The following ATP5PB variants were observed in gnomAD, a reference collection of about 807,000 sequenced individuals.
ATP5PB encodes the protein ATP synthase peripheral stalk-membrane subunit b.
Under a neutral mutation model 34.5 loss-of-function variants are expected in ATP5PB, and 21 were observed. The ratio of observed to expected loss-of-function variants is 0.61; its 90% CI spans 0.43 to 0.88. The LOEUF is 0.88. Ranked by LOEUF, ATP5PB falls within the 40% of genes least tolerant of loss-of-function variation. The probability of loss-of-function intolerance (pLI) is 0.00; values close to 1 mark genes in which losing one functional copy is unlikely to be tolerated. For missense variants in ATP5PB, 293 were observed against 317.4 expected, an observed-to-expected ratio of 0.92 and a Z score of 0.58; for synonymous variants, 108 against 114.1, an observed-to-expected ratio of 0.95 and a Z score of 0.34.
intron 2 of ATP5PB, among the ~76,000 whole-genome samples, chr1:111,451,436 C>T (rs1362475775): frequency 2.0e-5 from 3 of 152,220 alleles, no homozygotes; most frequent in Non-Finnish European, 4.4e-5. Context: ...CTCCATAGCA[C>T]TTAGAGCTGC....
At chr1:111,454,468 G>GT (rs145698455) in intron 3 of ATP5PB, 112 bp downstream of exon 3, 2 of 1,287,862 alleles carry the variant, frequency 1.6e-6, no homozygotes, top group East Asian at 2.4e-5. Flanking sequence ...TGTTGTTGTT[G>GT]TTTTTTGAGA....
intron 4 of ATP5PB, 123 bp downstream of exon 4, chr1:111,456,372 G>A: frequency 3.4e-6 from 4 of 1,171,748 alleles, no homozygotes; most frequent in Non-Finnish European, 4.6e-6. Context: ...CTTCAAATAA[G>A]TGTTAACGTT....
rs561660899 is a variant in ATP5PB at position 111,462,185 on chromosome 1, T to C, written c.*1191T>C. ...GCCATTGTTCACAATAGCTAAAACA[T>C]AGAAGCAGCCCAATCGGCCATCAGT... is the stretch of plus-strand genomic sequence containing the variant. On this transcript the variant is annotated 3_prime_UTR_variant, in exon 7 of 7. Coordinates refer to ENST00000369722, the MANE Select transcript of ATP5PB (RefSeq NM_001688.5). The C allele has an allele frequency of 3.9e-5, 6 of 152,278 alleles. No individual in the cohort carries two copies. The East Asian group carries it at 1.2e-3, about 29-fold the overall frequency. The allele number at this position is 152,278 out of a possible 1,614,324, so 9.4% of individuals were successfully genotyped here. A position where few individuals can be genotyped will look rare whatever the true frequency, so the allele number is the denominator to read the frequency against.
At chr1:111,459,662 A>G (rs1195840791) in intron 6 of ATP5PB, 26 bp downstream of exon 6, 2 of 1,608,172 alleles carry the variant, frequency 1.2e-6, no homozygotes, top group East Asian at 2.2e-5. Context: ...GTAGGTTCTG[A>G]TGTTGTACTG....
Position 111,454,192 on chromosome 1 carries a change from G to A in ATP5PB, c.78-19G>A. The A allele has an allele frequency of 6.5e-7, 1 of 1,546,834 alleles. No homozygotes were observed. Among genetic ancestry groups the A allele is most frequent in the Non-Finnish European group, 8.7e-7 (1 of 1,152,836 alleles). The stretch of plus-strand genomic sequence containing the variant: ...CCTTAAAGAAACAGGCTTTACATTT[G>A]TACAATTACTACCTGTAGGGTATTG... On this transcript the variant is annotated intron_variant, in intron 2 of 6. Coordinates refer to ENST00000369722, the MANE Select transcript of ATP5PB (RefSeq NM_001688.5).
intron 2 of ATP5PB, 80 bp from the exon 3 acceptor site, chr1:111,454,127 CTATT>C: frequency 7.4e-7 from 1 of 1,357,904 alleles, no homozygotes; most frequent in South Asian, 1.9e-5. Context: ...ATTATCAACC[CTATT>C]TATTGTTTCT....
chr1:111,454,876 T>C (rs1281627828), intron 3 of ATP5PB, among the ~76,000 whole-genome samples: 2 of 152,266 alleles, frequency 1.3e-5, no homozygotes, highest in Non-Finnish European at 2.9e-5. Context: ...ATCAAATTTT[T>C]TGATGCCTGC....
chr1:111,454,448 T>C, intron 3 of ATP5PB, 92 bp downstream of exon 3: 1 of 1,406,942 alleles, frequency 7.1e-7, no homozygotes, highest in Non-Finnish European at 9.5e-7. Context: ...TTTGTTGTTG[T>C]TGTTGTTGTT....
At chr1:111,453,302 A>G (rs769255082) in intron 2 of ATP5PB, among the ~76,000 whole-genome samples, 41 of 152,306 alleles carry the variant, frequency 2.7e-4, no homozygotes, top group African/African-American at 8.4e-4. Flanking sequence ...CAATTGTTCA[A>G]GCTCAGTACT....
intron 5 of ATP5PB, among the ~76,000 whole-genome samples, chr1:111,459,254 A>G (rs143371818): frequency 6.6e-6 from 1 of 152,200 alleles, no homozygotes; most frequent in Non-Finnish European, 1.5e-5. Context: ...GGGAGGCTGA[A>G]GGAGACTTAT....
chr1:111,450,935 C>G (rs1020746081), intron 2 of ATP5PB, among the ~76,000 whole-genome samples: 2 of 152,216 alleles, frequency 1.3e-5, no homozygotes, highest in Non-Finnish European at 2.9e-5. Context: ...CACTCCATGT[C>G]CAGTACCTCA....
Position 111,459,571 on chromosome 1 carries a change from A to C in ATP5PB, c.628A>C (p.Lys210Gln), listed in dbSNP as rs1260187512. 38 of 1,613,992 alleles carry C rather than the reference A, an allele frequency of 2.4e-5. No homozygotes were observed. Among genetic ancestry groups the C allele is most frequent in the Non-Finnish European group, 3.1e-5 (37 of 1,179,860 alleles). ...ATCTGTGCAGAACATGATGCGTCGAAAGGAACAAGAACACATGATAAATTG... is the reference window on the plus strand; with the variant it reads ...ATCTGTGCAGAACATGATGCGTCGACAGGAACAAGAACACATGATAAATTG... ...HISVQNMMRR[K>Q]EQEHMINWVE... The change falls in exon 6 of 7, where the codon AAG becomes CAG. Residue 210 changes from lysine (K) to glutamine (Q), a missense_variant. Physicochemically the swap from Lys to Gln is moderately conservative, Grantham distance 53 (BLOSUM62 1). Transcript: ENST00000369722.
chr1:111,455,965 G>T, intron 3 of ATP5PB, 121 bp from the exon 4 acceptor site: 1 of 850,826 alleles, frequency 1.2e-6, no homozygotes, highest in Non-Finnish European at 1.7e-6. Context: ...CCAGTGTTTT[G>T]TCTTTGAATC....
At chr1:111,459,738 C>T (rs1653566630) in intron 6 of ATP5PB, 102 bp downstream of exon 6, 2 of 1,288,074 alleles carry the variant, frequency 1.6e-6, no homozygotes, top group South Asian at 1.5e-5. Flanking sequence ...GAGTCTTTAG[C>T]CTAGAAGTAG....
chr1:111,454,504 T>C, intron 3 of ATP5PB, 148 bp downstream of exon 3: 1 of 1,038,830 alleles, frequency 9.6e-7, no homozygotes, highest in Non-Finnish European at 1.4e-6. Flanking sequence ...TCACCCAGGA[T>C]GGAGTGATAG....
At position 111,461,116 on chromosome 1, in the gene ATP5PB, G is replaced by C. The variant is rs1053062982; in HGVS notation, c.*122G>C. The C allele has an allele frequency of 4.4e-6, 4 of 908,160 alleles. No individual in the cohort carries two copies. The highest frequency in any genetic ancestry group is 6.7e-6 in the Non-Finnish European group (4 of 594,594). 56.3% of individuals were successfully genotyped at this position (908,160 alleles called of 1,614,324 possible). A position where few individuals can be genotyped will look rare whatever the true frequency, so the allele number is the denominator to read the frequency against. ...GTTATAGTTTACCCTTCCTAAAAAT[G>C]AAAAGTTTGTTTCATATAGTGAGAG... On this transcript the variant is annotated 3_prime_UTR_variant, in exon 7 of 7. Transcript: ENST00000369722.
chr1:111,451,482 C>T (rs759756807), intron 2 of ATP5PB, among the ~76,000 whole-genome samples: 1 of 152,036 alleles, frequency 6.6e-6, no homozygotes, highest in Non-Finnish European at 1.5e-5. Flanking sequence ...CTCACCCTTC[C>T]CATACCCCCA....
rs768108339 is a variant in ATP5PB at position 111,454,262 on chromosome 1, T to G, written c.129T>G (p.Pro43=). 3.1e-6 allele frequency: 5 copies of G among 1,612,976 alleles called. No homozygotes were observed. The highest frequency in any genetic ancestry group is 1.7e-5 in the Admixed American group (1 of 59,708). Residue 43 remains proline (P), a synonymous_variant, in exon 3 of 7, where the codon CCT becomes CCG. Transcript: ENST00000369722. ...ATACAGGGCAGCCACACCTTGTCCC[T>G]GTACCACCTCTTCCTGAATACGGAG... ...TFHTGQPHLV[P]VPPLPEYGGK... is the part of the protein sequence containing the mutation.
In ATP5PB at chr1:111,456,292, A is replaced by T. The variant is rs17027699; in HGVS notation, c.387+43A>T. The T allele has an allele frequency of 6.7e-3, 10,143 of 1,507,568 alleles. 450 individuals are homozygous for T. In the African/African-American group the frequency reaches 0.11, roughly 16 times the overall value. 93.4% of individuals were successfully genotyped at this position (1,507,568 alleles called of 1,614,324 possible). On this transcript the variant is annotated intron_variant, in intron 4 of 6. Coordinates refer to ENST00000369722, the MANE Select transcript of ATP5PB (RefSeq NM_001688.5). ...TATTTCCTATTTTAGACTAGCAGAA[A>T]CATGAAGGTCATCTAGTGATATTTT...
Sources: allele counts gnomAD v4.1 joint callset (sites outside exome capture counted in the v4.1 genomes callset), GRCh38; gene constraint gnomAD v4.1.1; transcripts MANE v1.5; gene names NCBI Gene and HGNC (gene_info 2026-07-23, HGNC 2026-07-21).